RHPN2: variants seen among roughly 807,000 people sequenced by gnomAD.
RHPN2 encodes rhophilin-2.
RHPN2 carries 40 observed loss-of-function variants against 79.0 expected under a neutral mutation model. The observed-to-expected ratio is 0.51, with a 90% CI of 0.39 to 0.66. The LOEUF (loss-of-function observed/expected upper bound fraction) is 0.66. RHPN2 is among the 30% of genes least tolerant of loss of function. RHPN2 has a pLI of 0.00. For missense variants in RHPN2, 686 were observed against 883.5 expected (o/e 0.78, Z 2.83); for synonymous variants, 285 against 363.5 (o/e 0.78, Z 2.46).
intron 14 of RHPN2, among the ~76,000 whole-genome samples, chr19:32,985,670 C>T (rs1272410221): frequency 6.6e-6 from 1 of 152,008 alleles, no homozygotes; most frequent in African/African-American, 2.4e-5. Context: ...CTCACTCTGT[C>T]ACGCAGGCTG....
chr19:33,043,380 G>A (rs982164888), intron 2 of RHPN2, among the ~76,000 whole-genome samples: 14 of 150,886 alleles, frequency 9.3e-5, no homozygotes, highest in African/African-American at 1.2e-4. Context: ...GTGAAACCCC[G>A]TCTCTACTAA....
At chr19:33,011,445 G>A (rs1971834474) in intron 6 of RHPN2, among the ~76,000 whole-genome samples, 2 of 152,090 alleles carry the variant, frequency 1.3e-5, no homozygotes, top group Non-Finnish European at 2.9e-5. Context: ...TCCTTGGCTC[G>A]CTTGTTCTGA....
intron 3 of RHPN2, among the ~76,000 whole-genome samples, 177 bp from the exon 4 acceptor site, chr19:33,021,823 T>C (rs1971926690): frequency 6.6e-6 from 1 of 152,108 alleles, no homozygotes; most frequent in Non-Finnish European, 1.5e-5. Context: ...CCCCACCCTC[T>C]GCTCTAAAAC....
rs150522688 is a variant in RHPN2, at chr19:33,031,210, TTTCTATTCTA to T, written c.186-4588_186-4579del. On this transcript the variant is annotated intron_variant, in intron 2 of 14. Coordinates refer to ENST00000254260, the MANE Select transcript of RHPN2 (RefSeq NM_033103.5). ...TTCAGAATTTTATTCTATTCTATTC[TTTCTATTCTA>T]TTCTATTCTATTCTATTCTATTCTA... 3.6e-3 allele frequency among the ~76,000 whole-genome samples: 525 copies of T among 145,144 alleles called. 2 individuals carry two copies. Among genetic ancestry groups the T allele is most frequent in the Middle Eastern group, 0.021 (6 of 290 alleles).
chr19:32,987,810 T>C (rs751944556), intron 14 of RHPN2, among the ~76,000 whole-genome samples: 7 of 152,208 alleles, frequency 4.6e-5, no homozygotes, highest in Non-Finnish European at 7.3e-5. Flanking sequence ...TGACTGCTAA[T>C]AGCATCTGGA....
chr19:33,064,750 G>T, intron 1 of RHPN2, 34 bp downstream of exon 1: 1 of 1,504,556 alleles, frequency 6.6e-7, no homozygotes, highest in East Asian at 2.6e-5. Context: ...TCTGGAGCCC[G>T]CAGGTCCCCG....
Position 33,013,188 on chromosome 19 carries a change from TA to T in RHPN2, c.391-465del, listed in dbSNP as rs1177180268. ...ACCGTGCCCGGCCATAGTTTTTTTT[TA>T]AAAAAACAAAAACAAAAAACAAAAA... On this transcript the variant is annotated intron_variant, in intron 4 of 14. Coordinates refer to ENST00000254260, the MANE Select transcript of RHPN2 (RefSeq NM_033103.5). Among the ~76,000 whole-genome samples the T allele has an allele frequency of 1.1e-4, 9 of 78,960 alleles. No homozygotes were observed. In the South Asian group the frequency reaches 4.3e-3, roughly 37 times the overall value. 51.8% of individuals were successfully genotyped at this position (78,960 alleles called of 152,430 possible).
At position 32,990,459 on chromosome 19, in the gene RHPN2, A is replaced by T. The variant is rs1199227454; in HGVS notation, c.1800+55T>A. Reference sequence around the variant, plus strand: ...GGTAAACACCTCTGGGGCTGAACTCATGCAGATTTCACTCCACGCCACCAC... The same window carrying T: ...GGTAAACACCTCTGGGGCTGAACTCTTGCAGATTTCACTCCACGCCACCAC... On this transcript the variant is annotated intron_variant, in intron 14 of 14. Coordinates refer to ENST00000254260, the MANE Select transcript of RHPN2 (RefSeq NM_033103.5). 1.9e-6 allele frequency: 3 copies of T among 1,588,214 alleles called. No individual in the cohort carries two copies. The African/African-American group carries it at 4.0e-5, about 21-fold the overall frequency.
In RHPN2 at chr19:33,056,097, CTTTT is replaced by C. The variant is rs59904014; in HGVS notation, c.69+8683_69+8686del. On this transcript the variant is annotated intron_variant, in intron 1 of 14. Transcript: ENST00000254260. ...GTTTGTTTCCAGCTGCTTTTCTTTTCTTTTTTTTTTCTTTTTTCCTTTTTTTTTT... is the reference window on the plus strand; with the variant it reads ...GTTTGTTTCCAGCTGCTTTTCTTTTCTTTTTTCTTTTTTCCTTTTTTTTTT... Among the ~76,000 whole-genome samples, 265 of 142,648 alleles carry C rather than the reference CTTTT, an allele frequency of 1.9e-3. 1 individual carries two copies. Among genetic ancestry groups the C allele is most frequent in the Middle Eastern group, 3.7e-3 (1 of 270 alleles). The allele number at this position is 142,648 out of a possible 152,430, so 93.6% of individuals were successfully genotyped here.
At chr19:33,052,956 T>C (rs1972200772) in intron 1 of RHPN2, among the ~76,000 whole-genome samples, 1 of 151,642 alleles carries the variant, frequency 6.6e-6, no homozygotes. Context: ...TCACAGTTAT[T>C]TTTCAATATG....
intron 2 of RHPN2, chr19:33,026,951 A>T: frequency 2.8e-6 from 1 of 351,836 alleles, no homozygotes; most frequent in Non-Finnish European, 5.6e-6. Flanking sequence ...TAAGATACCC[A>T]CTTGAAAAGA....
chr19:32,986,591 C>T (rs1199857013), intron 14 of RHPN2, among the ~76,000 whole-genome samples: 1 of 151,788 alleles, frequency 6.6e-6, no homozygotes, highest in Non-Finnish European at 1.5e-5. Flanking sequence ...GTCAGGAGTT[C>T]GAGACCAGCC....
Position 33,008,185 on chromosome 19 carries a change from G to A in RHPN2, c.594-5C>T. 1.2e-6 allele frequency: 2 copies of A among 1,613,122 alleles called. No homozygotes were observed. The highest frequency in any genetic ancestry group is 1.7e-6 in the Non-Finnish European group (2 of 1,179,542). On this transcript the variant is annotated splice_region_variant and splice_polypyrimidine_tract_variant and intron_variant, in intron 6 of 14. Coordinates refer to ENST00000254260, the MANE Select transcript of RHPN2 (RefSeq NM_033103.5). ...ACCCCGGTGAGAGAGTCATACCTAT[G>A]TGAAAGAAATGCATTCCGAGAATAC...
At chr19:33,000,585 A>G (rs761102409) in intron 9 of RHPN2, among the ~76,000 whole-genome samples, 2 of 152,028 alleles carry the variant, frequency 1.3e-5, no homozygotes, top group Non-Finnish European at 2.9e-5. Flanking sequence ...ACCTCCTGGC[A>G]TAGCCCAGAC....
At chr19:33,054,490 G>A (rs1372020584) in intron 1 of RHPN2, among the ~76,000 whole-genome samples, 1 of 152,140 alleles carries the variant, frequency 6.6e-6, no homozygotes. Context: ...GTGAGCCACT[G>A]TGCTGGTCCC....
At chr19:32,995,167 G>T (rs576973917) in intron 11 of RHPN2, among the ~76,000 whole-genome samples, 29 of 152,112 alleles carry the variant, frequency 1.9e-4, no homozygotes, top group African/African-American at 6.3e-4. Context: ...TGACCTCCTG[G>T]ACTCAAATGA....
chr19:33,009,166 AC>A (rs1971817261), intron 6 of RHPN2, among the ~76,000 whole-genome samples: 1 of 152,138 alleles, frequency 6.6e-6, no homozygotes, highest in Admixed American at 6.6e-5. Context: ...TCTGTATGAC[AC>A]TGCAAAGGTG....
intron 2 of RHPN2, among the ~76,000 whole-genome samples, chr19:33,029,803 G>T (rs1971996875): frequency 6.6e-6 from 1 of 152,146 alleles, no homozygotes; most frequent in Non-Finnish European, 1.5e-5. Context: ...AAAGGGAAAG[G>T]CACATGGGGT....
intron 4 of RHPN2, among the ~76,000 whole-genome samples, chr19:33,015,859 G>A (rs957913311): frequency 6.6e-6 from 1 of 152,062 alleles, no homozygotes; most frequent in Non-Finnish European, 1.5e-5. Flanking sequence ...GACCAGCCTG[G>A]CCAACAAGGT....
Sources: gnomAD v4.1 joint callset for allele counts (sites outside exome capture counted in the v4.1 genomes callset) on GRCh38, gnomAD v4.1.1 for gene constraint, MANE v1.5 for transcripts, NCBI Gene and HGNC (gene_info 2026-07-23, HGNC 2026-07-21) for gene names.